ACTR3C: variants seen among roughly 807,000 people sequenced by gnomAD.
The protein encoded by ACTR3C is actin related protein 3C.
ACTR3C carries 18 observed loss-of-function variants against 26.3 expected under a neutral mutation model. The ratio of observed to expected loss-of-function variants is 0.68; its 90% CI spans 0.47 to 1.01. The LOEUF (loss-of-function observed/expected upper bound fraction) is 1.01, where lower values mean the gene tolerates loss of function less well. Ranked by LOEUF, ACTR3C falls within the 50% of genes least tolerant of loss-of-function variation. ACTR3C has a pLI of 0.00. For missense variants in ACTR3C, 184 were observed against 250.7 expected (o/e 0.73, Z 1.80); for synonymous variants, 55 against 94.5 (o/e 0.58, Z 2.42).
chr7:150,248,664 A>ACT (rs1200514709), intron 7 of ACTR3C: 1 of 184,280 alleles, frequency 5.4e-6, no homozygotes, highest in East Asian at 1.3e-4. Flanking sequence ...CGTCTCAAAA[A>ACT]AAAAAAAAGT....
At chr7:149,943,111 C>CTGT in the ACTR3C span, among the ~76,000 whole-genome samples, 2 of 151,712 alleles carry the variant, frequency 1.3e-5, no homozygotes, top group African/African-American at 2.4e-5. Flanking sequence ...CCGGGGCCTG[C>CTGT]TGTTTTGTAA....
At chr7:150,068,622 C>CA in the ACTR3C span, among the ~76,000 whole-genome samples, 1,213 of 141,466 alleles carry the variant, frequency 8.6e-3, 12 homozygotes, top group Non-Finnish European at 0.012. Context: ...ACTAAAAATA[C>CA]AAAAAAAAAA....
At chr7:150,225,981 A>T in the ACTR3C span, among the ~76,000 whole-genome samples, 1 of 152,230 alleles carries the variant, frequency 6.6e-6, no homozygotes, top group Admixed American at 6.5e-5. Flanking sequence ...CCTTCAGTTA[A>T]CAACATGCAT....
At chr7:150,081,195 A>AGGAAGGGAGGGAAGGAG in the ACTR3C span, among the ~76,000 whole-genome samples, 1 of 150,320 alleles carries the variant, frequency 6.7e-6, no homozygotes, top group Non-Finnish European at 1.5e-5. Flanking sequence ...ATAGGGAGGG[A>AGGAAGGGAGGGAAGGAG]GGAAGGGAGG....
the ACTR3C span, among the ~76,000 whole-genome samples, chr7:150,199,002 C>T: frequency 2.1e-5 from 3 of 143,108 alleles, no homozygotes; most frequent in Non-Finnish European, 4.5e-5. Context: ...CCCCCCTGCC[C>T]GGCCAGCCGC....
intron 1 of ACTR3C, among the ~76,000 whole-genome samples, chr7:150,318,110 C>T (rs1023930949): frequency 3.9e-5 from 6 of 152,044 alleles, no homozygotes; most frequent in East Asian, 1.9e-4. Flanking sequence ...ATGGAGAAGA[C>T]GAGAAGAATA....
the ACTR3C span, among the ~76,000 whole-genome samples, chr7:150,100,998 C>A: frequency 1.2e-3 from 177 of 151,782 alleles, 8 homozygotes; most frequent in South Asian, 0.032. Flanking sequence ...AGCCACCCCC[C>A]ACTGCCAAGT....
At chr7:150,036,032 A>C in the ACTR3C span, among the ~76,000 whole-genome samples, 39 of 106,922 alleles carry the variant, frequency 3.6e-4, 1 homozygote, top group African/African-American at 1.4e-3. Flanking sequence ...TCCTAAGAGC[A>C]AAGGTGGGAA....
the ACTR3C span, among the ~76,000 whole-genome samples, chr7:150,148,302 C>T: frequency 6.2e-3 from 941 of 152,042 alleles, 6 homozygotes; most frequent in Non-Finnish European, 7.9e-3. Context: ...CGTGGTGAAA[C>T]CCTGTCTCTA....
chr7:149,975,595 G>A, the ACTR3C span, among the ~76,000 whole-genome samples: 1 of 152,018 alleles, frequency 6.6e-6, no homozygotes, highest in African/African-American at 2.4e-5. Flanking sequence ...AAACAGTGGA[G>A]AATATTACCG....
In ACTR3C at chr7:150,274,551, T is replaced by C. The variant is rs1028688163; in HGVS notation, c.564+10202A>G. Among the ~76,000 whole-genome samples the C allele has an allele frequency of 7.2e-4, 109 of 152,294 alleles. No individual in the cohort carries two copies. Among genetic ancestry groups the C allele is most frequent in the Non-Finnish European group, 3.4e-4 (23 of 68,020 alleles). ...CAAAATCTCCAAGTTATGCCTGTAG[T>C]AATATCTATCACATATCAAGTACTA... On this transcript the variant is annotated intron_variant, in intron 6 of 7. Coordinates refer to ENST00000683684, the MANE Select transcript of ACTR3C (RefSeq NM_001164458.2). This position sits in a 1 kb window ranked among gnomAD's most constrained non-coding sequence, Gnocchi z 4.1.
In ACTR3C at chr7:150,252,855, T is replaced by C. The variant is rs914514711; in HGVS notation, c.565-3801A>G. On this transcript the variant is annotated intron_variant, in intron 6 of 7. Coordinates refer to ENST00000683684, the MANE Select transcript of ACTR3C (RefSeq NM_001164458.2). ...TAAGGTAAAATAATGCCTGTGTGTT[T>C]ATTGTTTTTATTAATATGATATATT... Among the ~76,000 whole-genome samples, 5 of 152,180 alleles carry C rather than the reference T, an allele frequency of 3.3e-5. No homozygotes were observed. In the East Asian group the frequency reaches 5.8e-4, roughly 18 times the overall value.
At chr7:149,886,711 T>C in the ACTR3C span, among the ~76,000 whole-genome samples, 1 of 152,198 alleles carries the variant, frequency 6.6e-6, no homozygotes, top group South Asian at 2.1e-4. Flanking sequence ...ATCCTAGCAT[T>C]TTGGGAAGCC....
chr7:150,315,979 CCT>C (rs1796841161), intron 1 of ACTR3C, among the ~76,000 whole-genome samples: 2 of 152,314 alleles, frequency 1.3e-5, no homozygotes, highest in South Asian at 4.1e-4. Context: ...GGGTGGATCA[CCT>C]GAGGTCAGGA....
At chr7:150,129,597 T>C in the ACTR3C span, among the ~76,000 whole-genome samples, 1 of 152,162 alleles carries the variant, frequency 6.6e-6, no homozygotes, top group South Asian at 2.1e-4. Flanking sequence ...ATACTAACAA[T>C]TGGAAATAGT....
At chr7:150,051,838 C>G in the ACTR3C span, among the ~76,000 whole-genome samples, 7 of 151,908 alleles carry the variant, frequency 4.6e-5, no homozygotes, top group African/African-American at 1.5e-4. Context: ...AATTTTTGGT[C>G]TACCTGCAAG....
At chr7:150,040,832 C>T in the ACTR3C span, among the ~76,000 whole-genome samples, 3 of 147,856 alleles carry the variant, frequency 2.0e-5, no homozygotes, top group Non-Finnish European at 4.4e-5. Flanking sequence ...ATGGGGGTCA[C>T]AAGAGCCAGA....
At chr7:150,252,593 T>G (rs540203704) in intron 6 of ACTR3C, among the ~76,000 whole-genome samples, 16 of 152,302 alleles carry the variant, frequency 1.1e-4, no homozygotes, top group African/African-American at 3.9e-4. Flanking sequence ...TATGAAACAT[T>G]TTAGAGTAAT....
At chr7:150,033,575 C>T in the ACTR3C span, among the ~76,000 whole-genome samples, 1 of 152,088 alleles carries the variant, frequency 6.6e-6, no homozygotes, top group Non-Finnish European at 1.5e-5. Context: ...GAGGGGCTGG[C>T]TCTCAGTCCC....
Sources: gnomAD v4.1 joint callset for allele counts (sites outside exome capture counted in the v4.1 genomes callset) on GRCh38, gnomAD v4.1.1 for gene constraint, Gnocchi (gnomAD v3.1) non-coding constraint, MANE v1.5 for transcripts, NCBI Gene and HGNC (gene_info 2026-07-23, HGNC 2026-07-21) for gene names.